The following ZNF257 variants were observed in gnomAD, a reference collection of about 807,000 sequenced individuals.
The protein encoded by ZNF257 is zinc finger protein 257.
A neutral mutation model predicts 11.9 loss-of-function variants in ZNF257; 12 were observed. That is an observed-to-expected ratio of 1.01 (90% CI 0.65 to 1.63). The LOEUF (loss-of-function observed/expected upper bound fraction) is 1.63, where lower values mean the gene tolerates loss of function less well. ZNF257 is among the 40% of genes most tolerant of loss of function. The probability of loss-of-function intolerance (pLI) is 0.00; values close to 1 mark genes in which losing one functional copy is unlikely to be tolerated. For missense variants in ZNF257, 580 were observed against 665.5 expected (o/e 0.87, Z 1.41); for synonymous variants, 183 against 222.7 (o/e 0.82, Z 1.59).
Position 22,088,197 on chromosome 19 carries a change from A to G in ZNF257, c.447A>G (p.Lys149=), listed in dbSNP as rs776612918. 8.1e-6 allele frequency: 13 copies of G among 1,608,112 alleles called. No homozygotes were observed. The highest frequency in any genetic ancestry group is 1.1e-5 in the Non-Finnish European group (13 of 1,177,664). Residue 149 remains lysine, a synonymous_variant, in exon 4 of 4, where the codon AAA becomes AAG. Coordinates refer to ENST00000594947, the MANE Select transcript of ZNF257 (RefSeq NM_033468.4). ...AGAGCAAAATGTATCAATGTGATAA[A>G]TATGTAAAAGTCTTCTATAAGTTTT... ...TTQSKMYQCD[K]YVKVFYKFSN... is the part of the protein sequence containing the mutation.
At chr19:22,069,460 A>T (rs10419142) in intron 1 of ZNF257, among the ~76,000 whole-genome samples, 35,859 of 151,700 alleles carry the variant, frequency 0.24, 5,784 homozygotes, top group African/African-American at 0.46. Context: ...TAAAAAAAAT[A>T]AAAAATTAGC....
chr19:22,055,626 C>T (rs2021610665), intron 1 of ZNF257, among the ~76,000 whole-genome samples: 1 of 152,156 alleles, frequency 6.6e-6, no homozygotes, highest in South Asian at 2.1e-4. Flanking sequence ...TGCAGTTTCT[C>T]CTGAGAGAGT....
chr19:22,085,784 C>T (rs2022463760), intron 3 of ZNF257, among the ~76,000 whole-genome samples: 1 of 151,936 alleles, frequency 6.6e-6, no homozygotes, highest in Non-Finnish European at 1.5e-5. Flanking sequence ...TGTCCTTTGT[C>T]TTTTTGAGTT....
In ZNF257 at chr19:22,072,931, C is replaced by T; in HGVS notation, c.126C>T (p.Phe42=). 1 of 1,611,250 alleles carries T rather than the reference C, an allele frequency of 6.2e-7. No homozygotes were observed. Among genetic ancestry groups the T allele is most frequent in the Non-Finnish European group, 8.5e-7 (1 of 1,178,798 alleles). The change falls in exon 2 of 4, where the codon TTC becomes TTT. Residue 42 remains phenylalanine, a synonymous_variant. Transcript: ENST00000594947. ...VMLENYRNLV[F]LGIAVSKPDL... ...TAGAGAACTACAGAAACCTGGTCTT[C>T]CTGGGTGAGGATAACTTCAGTACTC...
chr19:22,053,461 A>G (rs1971749511), intron 1 of ZNF257, among the ~76,000 whole-genome samples: 1 of 152,044 alleles, frequency 6.6e-6, no homozygotes, highest in African/African-American at 2.4e-5. Flanking sequence ...GAAGACTTTA[A>G]TAACATGAGA....
chr19:22,053,925 CA>C (rs1033811872), intron 1 of ZNF257, among the ~76,000 whole-genome samples: 1 of 150,956 alleles, frequency 6.6e-6, no homozygotes, highest in Non-Finnish European at 1.5e-5. Flanking sequence ...AACTCCATCT[CA>C]AAAAAAACAA....
rs371166246 is a variant in ZNF257 at position 22,057,201 on chromosome 19, T to C, written c.3+4566T>C. Among the ~76,000 whole-genome samples the C allele has an allele frequency of 1.1e-4, 16 of 152,338 alleles. No individual in the cohort carries two copies. In the East Asian group the frequency reaches 2.9e-3, roughly 28 times the overall value. On this transcript the variant is annotated intron_variant, in intron 1 of 3. Transcript: ENST00000594947. ...AACTTTTCTTATTGGGTATGAAATA[T>C]AAGCACCTTAATTTTTTTTCCTTAT...
At chr19:22,058,394 T>C (rs531418469) in intron 1 of ZNF257, among the ~76,000 whole-genome samples, 1 of 152,260 alleles carries the variant, frequency 6.6e-6, no homozygotes, top group African/African-American at 2.4e-5. Context: ...TCATTGAACT[T>C]GAGGGAGGTT....
intron 3 of ZNF257, among the ~76,000 whole-genome samples, chr19:22,078,696 T>G (rs2022288080): frequency 6.6e-6 from 1 of 152,074 alleles, no homozygotes; most frequent in South Asian, 2.1e-4. Context: ...GGTTAATTAT[T>G]TTTTATGTCT....
intron 3 of ZNF257, among the ~76,000 whole-genome samples, chr19:22,077,469 C>T (rs892672072): frequency 6.6e-6 from 1 of 152,014 alleles, no homozygotes; most frequent in Non-Finnish European, 1.5e-5. Flanking sequence ...CAACAAACAC[C>T]GTTTCTCTTT....
chr19:22,085,133 A>G (rs2022447993), intron 3 of ZNF257, among the ~76,000 whole-genome samples: 1 of 151,554 alleles, frequency 6.6e-6, no homozygotes, highest in Non-Finnish European at 1.5e-5. Context: ...GCTCACTGCA[A>G]CCTCCGCCTC....
At chr19:22,052,701 C>T (rs1264118712) in intron 1 of ZNF257, 66 bp downstream of exon 1, 1 of 1,583,294 alleles carries the variant, frequency 6.3e-7, no homozygotes, top group East Asian at 2.3e-5. Context: ...TGGGAAGTCG[C>T]TGTGGCGGGA....
Position 22,072,738 on chromosome 19 carries a change from G to A in ZNF257, c.4-71G>A. 1.9e-6 allele frequency: 3 copies of A among 1,549,940 alleles called. No homozygotes were observed. The East Asian group carries it at 6.8e-5, about 35-fold the overall frequency. ...TCTCTCTGCTCTTTAATTACACCTT[G>A]AGTGACATTAAAAATTCTGTCCCTG... On this transcript the variant is annotated intron_variant, in intron 1 of 3. Transcript: ENST00000594947.
Position 22,088,755 on chromosome 19 carries a change from G to C in ZNF257, c.1005G>C (p.Lys335Asn). 1 of 1,611,512 alleles carries C rather than the reference G, an allele frequency of 6.2e-7. No homozygotes were observed. The highest frequency in any genetic ancestry group is 8.5e-7 in the Non-Finnish European group (1 of 1,179,378). ...AGTCCTCAGCCCTTACTCGACATAA[G>C]ATGATTCATACTGGAGAGAAACCCT... Reference protein sequence around the residue: ...FNQSSALTRHKMIHTGEKPFQ... With the variant: ...FNQSSALTRHNMIHTGEKPFQ... The change falls in exon 4 of 4, where the codon AAG (lysine) becomes AAC (asparagine). Residue 335 changes from lysine (K) to asparagine (N), a missense_variant. Transcript: ENST00000594947.
intron 1 of ZNF257, among the ~76,000 whole-genome samples, 164 bp downstream of exon 1, chr19:22,052,799 C>T (rs1971733255): frequency 1.3e-5 from 2 of 152,086 alleles, no homozygotes; most frequent in South Asian, 4.1e-4. Context: ...CATAAGATGG[C>T]GGCTGCGCTG....
chr19:22,061,970 C>T (rs10405613), intron 1 of ZNF257, among the ~76,000 whole-genome samples: 36,044 of 151,704 alleles, frequency 0.24, 5,815 homozygotes, highest in African/African-American at 0.46. Flanking sequence ...ACCAATCTTA[C>T]ATCCCAGAGA....
chr19:22,061,773 C>T (rs1350516152), intron 1 of ZNF257, among the ~76,000 whole-genome samples: 1 of 151,982 alleles, frequency 6.6e-6, no homozygotes, highest in Non-Finnish European at 1.5e-5. Context: ...GGCTGTGGGT[C>T]TGTCATAAAT....
In ZNF257 at chr19:22,088,244, T is replaced by C. The variant is rs2022524302; in HGVS notation, c.494T>C (p.Ile165Thr). 1.2e-6 allele frequency: 2 copies of C among 1,612,022 alleles called. No individual in the cohort carries two copies. The highest frequency in any genetic ancestry group is 1.7e-6 in the Non-Finnish European group (2 of 1,179,236). Residue 165 changes from isoleucine (I) to threonine (T), a missense_variant, in exon 4 of 4, where the codon ATA becomes ACA. Physicochemically the swap from Ile to Thr is moderately conservative, Grantham distance 89. Coordinates refer to ENST00000594947, the MANE Select transcript of ZNF257 (RefSeq NM_033468.4). Reference protein sequence around the residue: ...YKFSNSDRHKIRHTEKKTCKC... With the variant: ...YKFSNSDRHKTRHTEKKTCKC... ...TTTTCAAATTCAGATAGACATAAGA[T>C]AAGACATACTGAAAAGAAAACTTGC...
intron 1 of ZNF257, among the ~76,000 whole-genome samples, chr19:22,054,516 C>T (rs184251378): frequency 1.6e-3 from 243 of 152,266 alleles, no homozygotes; most frequent in African/African-American, 5.5e-3. Flanking sequence ...TTCCCAAATG[C>T]CAGTTTTCCC....
Sources: allele counts gnomAD v4.1 joint callset (sites outside exome capture counted in the v4.1 genomes callset), GRCh38; gene constraint gnomAD v4.1.1; transcripts MANE v1.5; gene names NCBI Gene and HGNC (gene_info 2026-07-23, HGNC 2026-07-21).